Variants in ELP3 observed in about 807,000 individuals in gnomAD.
The protein encoded by ELP3 is elongator acetyltransferase complex subunit 3, also known as elongator complex protein 3.
A neutral mutation model predicts 74.9 loss-of-function variants in ELP3; 56 were observed. That is an observed-to-expected ratio of 0.75 (90% CI 0.60 to 0.93). The LOEUF (loss-of-function observed/expected upper bound fraction) is 0.93. ELP3 is among the 40% of genes least tolerant of loss of function. The pLI is 0.00. For missense variants in ELP3, 573 were observed against 686.5 expected, an observed-to-expected ratio of 0.83 and a Z score of 1.85; for synonymous variants, 222 against 239.8, an observed-to-expected ratio of 0.93 and a Z score of 0.68.
chr8:28,106,998 C>T (rs897294562), intron 4 of ELP3, among the ~76,000 whole-genome samples: 1 of 152,166 alleles, frequency 6.6e-6, no homozygotes, highest in African/African-American at 2.4e-5. Context: ...CCTATAATCC[C>T]AGCATTTTGG....
At chr8:28,159,974 AAG>A (rs893310325) in intron 12 of ELP3, among the ~76,000 whole-genome samples, 4 of 152,252 alleles carry the variant, frequency 2.6e-5, no homozygotes, top group African/African-American at 7.2e-5. Context: ...GGATCTCTGT[AAG>A]AGTCTCAAGG....
At chr8:28,111,724 CA>C (rs1324978867) in intron 6 of ELP3, among the ~76,000 whole-genome samples, 3 of 151,582 alleles carry the variant, frequency 2.0e-5, no homozygotes, top group Non-Finnish European at 4.4e-5. Context: ...TTATGTTTAC[CA>C]AAAAAAGGAG....
At chr8:28,136,896 A>G (rs1813011092) in intron 9 of ELP3, among the ~76,000 whole-genome samples, 1 of 152,222 alleles carries the variant, frequency 6.6e-6, no homozygotes, top group Non-Finnish European at 1.5e-5. Flanking sequence ...CTGGTGTCTC[A>G]TTGCTACATC....
At chr8:28,123,494 A>T (rs973633691) in intron 7 of ELP3, among the ~76,000 whole-genome samples, 1 of 152,172 alleles carries the variant, frequency 6.6e-6, no homozygotes, top group Non-Finnish European at 1.5e-5. Flanking sequence ...GTGTGTTCTC[A>T]GTTGCTGGGT....
chr8:28,178,893 A>G (rs1814875257), intron 14 of ELP3, among the ~76,000 whole-genome samples: 1 of 152,128 alleles, frequency 6.6e-6, no homozygotes, highest in Admixed American at 6.5e-5. Context: ...CCATTTGGAG[A>G]TCCTCTTTCT....
chr8:28,181,669 C>G (rs1815014564), intron 14 of ELP3, among the ~76,000 whole-genome samples: 1 of 152,188 alleles, frequency 6.6e-6, no homozygotes, highest in Non-Finnish European at 1.5e-5. Flanking sequence ...GGTGCAAGAC[C>G]AGAGTCAGGG....
chr8:28,121,103 A>G (rs1029587815), intron 7 of ELP3, among the ~76,000 whole-genome samples: 3 of 152,192 alleles, frequency 2.0e-5, no homozygotes, highest in Non-Finnish European at 4.4e-5. Context: ...TGTTAAAACT[A>G]TAGAACAAAT....
intron 7 of ELP3, among the ~76,000 whole-genome samples, chr8:28,123,626 G>A (rs1446998981): frequency 6.6e-6 from 1 of 152,184 alleles, no homozygotes; most frequent in Non-Finnish European, 1.5e-5. Flanking sequence ...AAGTATGATT[G>A]AGGAACTCTG....
rs747367041 is a variant in ELP3, at chr8:28,158,555, T to C, written c.1192-13T>C. On this transcript the variant is annotated splice_polypyrimidine_tract_variant and intron_variant, in intron 11 of 14. Coordinates refer to ENST00000256398, the MANE Select transcript of ELP3 (RefSeq NM_018091.6). ...CACCCCCCAACCCCGCTCACGCCAT[T>C]TTTTTTTGACAGTGTCGAGATGTGA... 26 of 1,605,594 alleles carry C rather than the reference T, an allele frequency of 1.6e-5. No homozygotes were observed. Among genetic ancestry groups the C allele is most frequent in the Non-Finnish European group, 2.1e-5 (25 of 1,173,072 alleles).
At chr8:28,122,780 T>G (rs929652851) in intron 7 of ELP3, among the ~76,000 whole-genome samples, 1 of 152,246 alleles carries the variant, frequency 6.6e-6, no homozygotes, top group Non-Finnish European at 1.5e-5. Flanking sequence ...TTTATTTTTA[T>G]TCTACTTTCT....
intron 3 of ELP3, among the ~76,000 whole-genome samples, chr8:28,100,742 A>G (rs77707777): frequency 6.6e-6 from 1 of 152,228 alleles, no homozygotes; most frequent in South Asian, 2.1e-4. Flanking sequence ...TAGTTTGGAG[A>G]CAAAAAGACT....
rs78680889 is a variant in ELP3 at position 28,113,333 on chromosome 8, C to T, written c.617+160C>T. ...ATTATTTCAGTGAAAATAATGCTTT[C>T]GCTGAAATAATCTTTTCCAGTGAAA... is the stretch of plus-strand genomic sequence containing the variant. On this transcript the variant is annotated intron_variant, in intron 7 of 14. Coordinates refer to ENST00000256398, the MANE Select transcript of ELP3 (RefSeq NM_018091.6). 2.0e-3 allele frequency among the ~76,000 whole-genome samples: 310 copies of T among 152,192 alleles called. 1 individual carries two copies. Among genetic ancestry groups the T allele is most frequent in the African/African-American group, 7.0e-3 (290 of 41,516 alleles).
intron 3 of ELP3, among the ~76,000 whole-genome samples, chr8:28,104,522 G>C (rs887803769): frequency 1.3e-5 from 2 of 152,168 alleles, no homozygotes; most frequent in African/African-American, 4.8e-5. Flanking sequence ...GCATTTAATT[G>C]TCATATATCT....
intron 6 of ELP3, 22 bp from the exon 7 acceptor site, chr8:28,112,997 T>C (rs1811980102): frequency 2.5e-6 from 4 of 1,609,670 alleles, no homozygotes; most frequent in African/African-American, 1.3e-5. Context: ...ATCATTCTAA[T>C]GCTGATGAAT....
intron 14 of ELP3, among the ~76,000 whole-genome samples, chr8:28,179,201 C>T (rs1054950899): frequency 3.3e-5 from 5 of 152,256 alleles, no homozygotes; most frequent in Non-Finnish European, 7.3e-5. Context: ...CAGCCCCCCA[C>T]ATATAACAAG....
chr8:28,112,907 T>C lies in ELP3; in HGVS notation c.463-112T>C. On this transcript the variant is annotated intron_variant, in intron 6 of 14. Transcript: ENST00000256398. ...TTAGCTAAGTGTGTTTCATTACTTC[T>C]GATTTTTAAACTGTACTGATGAAAA... 6 of 983,456 alleles carry C rather than the reference T, an allele frequency of 6.1e-6. No individual in the cohort carries two copies. In the East Asian group the frequency reaches 1.4e-4, roughly 23 times the overall value. 60.9% of individuals were successfully genotyped at this position (983,456 alleles called of 1,614,324 possible).
At chr8:28,118,935 G>C (rs1362444638) in intron 7 of ELP3, 1 of 146,480 alleles carries the variant, frequency 6.8e-6, no homozygotes, top group Non-Finnish European at 1.5e-5. Flanking sequence ...GTTCTTACCT[G>C]TCTGAGAAAA....
intron 14 of ELP3, among the ~76,000 whole-genome samples, chr8:28,175,566 T>G (rs1814711680): frequency 6.6e-6 from 1 of 152,234 alleles, no homozygotes; most frequent in Non-Finnish European, 1.5e-5. Flanking sequence ...CTTAGGCATA[T>G]TTAATACAGT....
chr8:28,111,600 G>T (rs755736129), intron 6 of ELP3, among the ~76,000 whole-genome samples: 3 of 152,184 alleles, frequency 2.0e-5, no homozygotes, highest in African/African-American at 7.2e-5. Context: ...GACTCCATCT[G>T]GGGGAGCCCA....
Sources: allele counts gnomAD v4.1 joint callset (sites outside exome capture counted in the v4.1 genomes callset), GRCh38; gene constraint gnomAD v4.1.1; transcripts MANE v1.5; gene names NCBI Gene and HGNC (gene_info 2026-07-23, HGNC 2026-07-21).